The following SLC16A2 variants were observed in gnomAD, a reference collection of about 807,000 sequenced individuals.
SLC16A2 encodes the protein monocarboxylate transporter 8.
In SLC16A2, 3 loss-of-function variants were observed where a neutral mutation model predicts 27.2. The observed-to-expected ratio is 0.11, with a 90% CI of 0.05 to 0.28. SLC16A2 has a LOEUF of 0.28. Ranked by LOEUF, SLC16A2 falls within the 10% of genes least tolerant of loss-of-function variation. The probability of loss-of-function intolerance (pLI) is 1.00; values close to 1 mark genes in which losing one functional copy is unlikely to be tolerated. For synonymous variants in SLC16A2, 202 were observed against 187.8 expected (o/e 1.08, Z -0.62); for missense variants, 295 against 458.5 (o/e 0.64, Z 3.26).
intron 1 of SLC16A2, among the ~76,000 whole-genome samples, chrX:74,495,997 A>T (rs1290676354): frequency 9.0e-6 from 1 of 110,907 alleles, no homozygotes; most frequent in Non-Finnish European, 1.9e-5. Context: ...ATGAGAGATC[A>T]TGGAACCAAC....
intron 1 of SLC16A2, among the ~76,000 whole-genome samples, chrX:74,438,122 T>C (rs888644430): frequency 3.0e-4 from 34 of 112,584 alleles, no homozygotes; most frequent in African/African-American, 1.1e-3. Context: ...GCCTCACTTT[T>C]CCACATGCTT....
chrX:74,516,256 T>G (rs1602139281), intron 1 of SLC16A2, among the ~76,000 whole-genome samples: 1 of 111,359 alleles, frequency 9.0e-6, no homozygotes. Flanking sequence ...TTTTGCCACA[T>G]TACACATGCT....
At chrX:74,439,512 A>G (rs1474262604) in intron 1 of SLC16A2, among the ~76,000 whole-genome samples, 1 of 86,383 alleles carries the variant, frequency 1.2e-5, no homozygotes, top group Non-Finnish European at 2.2e-5. Flanking sequence ...ATGAGGTCTC[A>G]CTGGTCTCAA....
chrX:74,431,344 G>A (rs184870457), intron 1 of SLC16A2, among the ~76,000 whole-genome samples: 1 of 112,184 alleles, frequency 8.9e-6, no homozygotes, highest in Admixed American at 9.5e-5. Flanking sequence ...TGCAGCCAGA[G>A]ACCATTATCC....
Position 74,443,472 on chromosome X carries a change from GAA to G in SLC16A2, c.430+21409_430+21410del, listed in dbSNP as rs1928787432. ...CTAGGCTCTCTCCATGTGTGGTGCAGAAAAAGAGTGGGTGAGTGACCCCCAGT... is the reference window on the plus strand; with the variant it reads ...CTAGGCTCTCTCCATGTGTGGTGCAGAAAGAGTGGGTGAGTGACCCCCAGT... On this transcript the variant is annotated intron_variant, in intron 1 of 5. Transcript: ENST00000587091. 3.6e-5 allele frequency among the ~76,000 whole-genome samples: 4 copies of G among 111,849 alleles called. No homozygotes were observed. In the South Asian group the frequency reaches 1.5e-3, roughly 42 times the overall value.
At chrX:74,457,603 C>T (rs1929060228) in intron 1 of SLC16A2, among the ~76,000 whole-genome samples, 1 of 111,812 alleles carries the variant, frequency 8.9e-6, no homozygotes, top group South Asian at 3.8e-4. Context: ...TTACCCATCA[C>T]GAAGGCCTCT....
intron 1 of SLC16A2, among the ~76,000 whole-genome samples, chrX:74,516,207 T>C (rs1411977079): frequency 9.0e-6 from 1 of 110,909 alleles, no homozygotes; most frequent in Non-Finnish European, 1.9e-5. Flanking sequence ...ACTATGGGTG[T>C]GCACCACCAT....
At chrX:74,459,991 A>G (rs967046858) in intron 1 of SLC16A2, among the ~76,000 whole-genome samples, 6 of 111,672 alleles carry the variant, frequency 5.4e-5, no homozygotes, top group African/African-American at 2.0e-4. Context: ...TCAATGCATC[A>G]AGCAGAGGCT....
chrX:74,510,427 A>G (rs1189884775), intron 1 of SLC16A2, among the ~76,000 whole-genome samples: 1 of 112,268 alleles, frequency 8.9e-6, no homozygotes, highest in Non-Finnish European at 1.9e-5. Context: ...TGCCTTAGCT[A>G]CTAAAGTAGA....
chrX:74,473,832 T>C (rs1929407686), intron 1 of SLC16A2: 2 of 517,641 alleles, frequency 3.9e-6, no homozygotes, highest in Non-Finnish European at 6.9e-6. Flanking sequence ...TCTGTGAGCA[T>C]TCCCCATTGT....
At chrX:74,498,890 G>T (rs1335615325) in intron 1 of SLC16A2, among the ~76,000 whole-genome samples, 2 of 111,285 alleles carry the variant, frequency 1.8e-5, no homozygotes, top group Non-Finnish European at 3.8e-5. Context: ...TCCACCTGGG[G>T]GTTTTTGCTT....
intron 1 of SLC16A2, among the ~76,000 whole-genome samples, chrX:74,433,726 A>G (rs1187810218): frequency 9.0e-6 from 1 of 111,584 alleles, no homozygotes; most frequent in East Asian, 2.8e-4. Context: ...TTTTTAAATG[A>G]TTGCACCATA....
chrX:74,431,021 C>T (rs960163883), intron 1 of SLC16A2, among the ~76,000 whole-genome samples: 2 of 112,809 alleles, frequency 1.8e-5, no homozygotes, highest in African/African-American at 6.4e-5. Context: ...GGATTACAGG[C>T]GTGTGCCACT....
intron 2 of SLC16A2, among the ~76,000 whole-genome samples, chrX:74,522,239 C>A (rs917337390): frequency 1.2e-4 from 13 of 112,073 alleles, no homozygotes; most frequent in African/African-American, 3.9e-4. Context: ...TAAGGTTCCA[C>A]TCACAGTAGA....
rs372117356 is a variant in SLC16A2, at chrX:74,521,507, T to C, written c.575+373T>C. Among the ~76,000 whole-genome samples, 6 of 112,305 alleles carry C rather than the reference T, an allele frequency of 5.3e-5. No homozygotes were observed. In the East Asian group the frequency reaches 1.7e-3, roughly 32 times the overall value. On this transcript the variant is annotated intron_variant, in intron 2 of 5. Coordinates refer to ENST00000587091, the MANE Select transcript of SLC16A2 (RefSeq NM_006517.5). ...TGTAACATGAGGGGATTTGACCATA[T>C]GGTCTTTTTACATCTCTTTCAACTC...
intron 1 of SLC16A2, among the ~76,000 whole-genome samples, chrX:74,430,448 A>C (rs904324261): frequency 8.9e-6 from 1 of 111,953 alleles, no homozygotes; most frequent in African/African-American, 3.3e-5. Context: ...AGAAGTGGTT[A>C]ATAAATCAAA....
At chrX:74,469,901 C>T (rs996878334) in intron 1 of SLC16A2, among the ~76,000 whole-genome samples, 2 of 111,815 alleles carry the variant, frequency 1.8e-5, no homozygotes, top group Non-Finnish European at 3.8e-5. Context: ...TTGTCAAATA[C>T]ATAATAACAT....
intron 1 of SLC16A2, among the ~76,000 whole-genome samples, chrX:74,460,793 G>A (rs1929125694): frequency 9.0e-6 from 1 of 111,208 alleles, no homozygotes; most frequent in Non-Finnish European, 1.9e-5. Context: ...TGGGACTACA[G>A]GCGCCCACCA....
In SLC16A2 at chrX:74,450,009, T is replaced by C. The variant is rs762817139; in HGVS notation, c.430+27942T>C. 2.7e-5 allele frequency among the ~76,000 whole-genome samples: 3 copies of C among 112,175 alleles called. No homozygotes were observed. The South Asian group carries it at 1.1e-3, about 42-fold the overall frequency. ...TGGTCCATCCTTCCTCCACCACTAG[T>C]GACAGCAACAAGGCTAGCTTGGGGA... On this transcript the variant is annotated intron_variant, in intron 1 of 5. Coordinates refer to ENST00000587091, the MANE Select transcript of SLC16A2 (RefSeq NM_006517.5).
Sources: gnomAD v4.1 joint callset for allele counts (sites outside exome capture counted in the v4.1 genomes callset) on GRCh38, gnomAD v4.1.1 for gene constraint, MANE v1.5 for transcripts, NCBI Gene and HGNC (gene_info 2026-07-23, HGNC 2026-07-21) for gene names.